PSG11: variants seen among roughly 807,000 people sequenced by gnomAD.
PSG11 encodes the protein pregnancy specific beta-1-glycoprotein 11, also known as pregnancy-specific beta-1-glycoprotein 11.
PSG11 carries 42 observed loss-of-function variants against 36.0 expected under a neutral mutation model. The observed-to-expected ratio is 1.17, with a 90% CI of 0.91 to 1.51. The LOEUF is 1.51. Ranked by LOEUF, PSG11 falls within the 40% of genes most tolerant of loss-of-function variation. The probability of loss-of-function intolerance (pLI) is 0.00; values close to 1 mark genes in which losing one functional copy is unlikely to be tolerated. For synonymous variants in PSG11, 206 were observed against 153.5 expected (o/e 1.34, Z -2.53); for missense variants, 558 against 403.5 (o/e 1.38, Z -3.28).
chr19:43,007,754 T>C lies in PSG11; in HGVS notation c.*329A>G, dbSNP rs1973965952. The C allele has an allele frequency of 4.3e-6, 1 of 234,262 alleles. No individual in the cohort carries two copies. The highest frequency in any genetic ancestry group is 8.6e-6 in the Non-Finnish European group (1 of 116,434). The allele number at this position is 234,262 out of a possible 1,614,324, so 14.5% of individuals were successfully genotyped here. A position where few individuals can be genotyped will look rare whatever the true frequency, so the allele number is the denominator to read the frequency against. ...CAGAGAGCAAAAGCAAATGTTTCAA[T>C]TTTTGTTTACAAAAGTATACTTTAC... On this transcript the variant is annotated 3_prime_UTR_variant, in exon 6 of 6. Transcript: ENST00000320078.
chr19:43,010,033 C>A lies in PSG11; in HGVS notation c.973G>T (p.Gly325Ter). The A allele has an allele frequency of 6.2e-7, 1 of 1,609,374 alleles. No homozygotes were observed. The highest frequency in any genetic ancestry group is 8.5e-7 in the Non-Finnish European group (1 of 1,176,934). Reference protein sequence around the residue: ...SLTIRVIAPPGLGTFAFNNPT With the variant: ...SLTIRVIAPP ...TTATTGAAAGCAAAAGTTCCTAATCCTGGAGGAGCTGTCATGGAAAGAAAA... is the reference window on the plus strand; with the variant it reads ...TTATTGAAAGCAAAAGTTCCTAATCATGGAGGAGCTGTCATGGAAAGAAAA... The change falls in exon 5 of 6, where the codon GGA becomes TGA. Residue 325 changes from glycine (G) to a stop codon, truncating the protein, a stop_gained. Transcript: ENST00000320078. LOFTEE classifies it high-confidence loss of function.
chr19:43,017,482 T>C (rs1445311452), intron 3 of PSG11: 1 of 151,414 alleles, frequency 6.6e-6, no homozygotes, highest in Non-Finnish European at 1.5e-5. Context: ...TCATATATAT[T>C]TGAAGGCTTT....
At chr19:43,018,677 G>C in intron 3 of PSG11, 93 bp downstream of exon 3, 2 of 1,607,352 alleles carry the variant, frequency 1.2e-6, no homozygotes, top group Non-Finnish European at 1.7e-6. Flanking sequence ...AAAGGTCTCT[G>C]TACTTGGACC....
At position 43,018,983 on chromosome 19, in the gene PSG11, T is replaced by G. The variant is rs1967036796; in HGVS notation, c.496A>C (p.Ile166Leu). 3 of 1,611,964 alleles carry G rather than the reference T, an allele frequency of 1.9e-6. No individual in the cohort carries two copies. The highest frequency in any genetic ancestry group is 2.2e-5 in the East Asian group (1 of 44,800). The change falls in exon 3 of 6, where the codon ATC becomes CTC. Residue 166 changes from isoleucine to leucine, a missense_variant. Coordinates refer to ENST00000320078, the MANE Select transcript of PSG11 (RefSeq NM_002785.3). ...GGAGTCTCAGGATTACAGGTTAAGATCACAGTCTCCATGGCCTCCCTGGGG... is the reference window on the plus strand; with the variant it reads ...GGAGTCTCAGGATTACAGGTTAAGAGCACAGTCTCCATGGCCTCCCTGGGG... ...LNPREAMETV[I>L]LTCNPETPDA...
intron 5 of PSG11, among the ~76,000 whole-genome samples, chr19:43,008,592 T>G (rs1973991772): frequency 6.6e-6 from 1 of 151,268 alleles, no homozygotes; most frequent in Admixed American, 6.6e-5. Context: ...ACTCATATTA[T>G]TAACATTCCC....
At position 43,008,451 on chromosome 19, in the gene PSG11, C is replaced by G. The variant is rs1208076976; in HGVS notation, c.*41-409G>C. 1.3e-5 allele frequency among the ~76,000 whole-genome samples: 2 copies of G among 150,728 alleles called. 1 individual carries two copies. Among genetic ancestry groups the G allele is most frequent in the African/African-American group, 4.9e-5 (2 of 40,742 alleles). ...CCACACCCAGCTAATTTTGTTTTTG[C>G]GTTTTTGGTAGAGATGGGGTTTCAC... On this transcript the variant is annotated intron_variant, in intron 5 of 5. Transcript: ENST00000320078.
At chr19:43,018,565 C>T (rs2122811083) in intron 3 of PSG11, 17 of 1,247,098 alleles carry the variant, frequency 1.4e-5, no homozygotes, top group Non-Finnish European at 1.9e-5. Flanking sequence ...CCTGAGCCTC[C>T]CATGACAGGA....
chr19:43,011,844 T>A (rs1417118530), intron 4 of PSG11, among the ~76,000 whole-genome samples: 1 of 149,620 alleles, frequency 6.7e-6, no homozygotes, highest in Admixed American at 6.7e-5. Flanking sequence ...TGAGCCATAA[T>A]CACACCACTG....
intron 1 of PSG11, 66 bp downstream of exon 1, chr19:43,026,242 TC>T: frequency 6.3e-7 from 1 of 1,599,808 alleles, no homozygotes; most frequent in Non-Finnish European, 8.5e-7. Flanking sequence ...CAGGAGCCTC[TC>T]CAGGAGACCC....
At chr19:43,011,785 G>A (rs1476132877) in intron 4 of PSG11, among the ~76,000 whole-genome samples, 5 of 150,654 alleles carry the variant, frequency 3.3e-5, no homozygotes, top group African/African-American at 2.5e-5. Flanking sequence ...TAGCATCTTG[G>A]GAGGCTGAAG....
At chr19:43,008,975 T>G (rs1484500758) in intron 5 of PSG11, among the ~76,000 whole-genome samples, 1 of 151,000 alleles carries the variant, frequency 6.6e-6, no homozygotes, top group African/African-American at 2.4e-5. Flanking sequence ...GGCTTGAGCA[T>G]CCTCTTTTAA....
Position 43,019,014 on chromosome 19 carries a change from G to A in PSG11, c.465C>T (p.Asn155=), listed in dbSNP as rs372042299. 1.1e-5 allele frequency: 18 copies of A among 1,612,016 alleles called. No homozygotes were observed. In the East Asian group the frequency reaches 4.0e-4, roughly 36 times the overall value. The part of the protein sequence containing the change: ...ETPKPSISSS[N]LNPREAMETV... ...TCTCCATGGCCTCCCTGGGGTTTAA[G>A]TTGCTGCTGGAGATGGAGGGCTTGG... Residue 155 remains asparagine, a synonymous_variant, in exon 3 of 6, where the codon AAC becomes AAT. Coordinates refer to ENST00000320078, the MANE Select transcript of PSG11 (RefSeq NM_002785.3).
In PSG11 at chr19:43,018,451, C is replaced by T. The variant is rs1371668996; in HGVS notation, c.709+319G>A. 11 of 511,770 alleles carry T rather than the reference C, an allele frequency of 2.1e-5. 1 individual carries two copies. Among genetic ancestry groups the T allele is most frequent in the Non-Finnish European group, 3.8e-5 (11 of 290,508 alleles). The allele number at this position is 511,770 out of a possible 1,614,324, so 31.7% of individuals were successfully genotyped here. A position where few individuals can be genotyped will look rare whatever the true frequency, so the allele number is the denominator to read the frequency against. On this transcript the variant is annotated intron_variant, in intron 3 of 5. Transcript: ENST00000320078. ...GGTCTGTGGAAGGGCCACAGTGACC[C>T]TGTGAGCCAAGTCGCAAGACTGAAG...
At chr19:43,022,468 T>G (rs181960206) in intron 2 of PSG11, among the ~76,000 whole-genome samples, 2 of 151,386 alleles carry the variant, frequency 1.3e-5, no homozygotes, top group African/African-American at 4.9e-5. Flanking sequence ...CCCCTGAAAC[T>G]ATCCTTGAAA....
At chr19:43,021,450 C>G (rs547716448) in intron 2 of PSG11, among the ~76,000 whole-genome samples, 13 of 151,442 alleles carry the variant, frequency 8.6e-5, no homozygotes, top group Admixed American at 3.3e-4. Flanking sequence ...CTCCCGGGTT[C>G]ACACCATTCT....
chr19:43,022,833 T>C (rs932307983), intron 2 of PSG11, among the ~76,000 whole-genome samples: 1 of 150,742 alleles, frequency 6.6e-6, no homozygotes, highest in Non-Finnish European at 1.5e-5. Flanking sequence ...TCTGCACCTT[T>C]CCTATTTCCT....
At position 43,025,204 on chromosome 19, in the gene PSG11, G is replaced by C. The variant is rs1216610088; in HGVS notation, c.65-148C>G. ...ACACACATACAAACATACACACACAGAAAAGGGGCATGTGTGTTTGTGTAT... is the reference window on the plus strand; with the variant it reads ...ACACACATACAAACATACACACACACAAAAGGGGCATGTGTGTTTGTGTAT... On this transcript the variant is annotated intron_variant, in intron 1 of 5. Transcript: ENST00000320078. 2.2e-5 allele frequency: 29 copies of C among 1,335,502 alleles called. 1 individual carries two copies. Among genetic ancestry groups the C allele is most frequent in the African/African-American group, 3.0e-5 (2 of 66,606 alleles). The allele number at this position is 1,335,502 out of a possible 1,614,324, so 82.7% of individuals were successfully genotyped here.
chr19:43,022,179 C>G (rs1407331856), intron 2 of PSG11, among the ~76,000 whole-genome samples: 1 of 151,524 alleles, frequency 6.6e-6, no homozygotes, highest in Non-Finnish European at 1.5e-5. Flanking sequence ...TCTATAATCC[C>G]TGACTGCTGC....
chr19:43,018,567 A>G (rs1324283022), intron 3 of PSG11: 3 of 1,266,620 alleles, frequency 2.4e-6, no homozygotes, highest in Admixed American at 4.4e-5. Flanking sequence ...TGAGCCTCCC[A>G]TGACAGGAGC....
Sources: allele counts gnomAD v4.1 joint callset (sites outside exome capture counted in the v4.1 genomes callset), GRCh38; gene constraint gnomAD v4.1.1; transcripts MANE v1.5; gene names NCBI Gene and HGNC (gene_info 2026-07-23, HGNC 2026-07-21).